SHANK2: variants seen among roughly 807,000 people sequenced by gnomAD.
The protein encoded by SHANK2 is SH3 and multiple ankyrin repeat domains 2.
SHANK2 carries 43 observed loss-of-function variants against 133.7 expected under a neutral mutation model. The ratio of observed to expected loss-of-function variants is 0.32; its 90% CI spans 0.25 to 0.41. SHANK2 has a LOEUF of 0.41. Ranked by LOEUF, SHANK2 falls within the 10% of genes least tolerant of loss-of-function variation. The probability of loss-of-function intolerance (pLI) is 1.00; values close to 1 mark genes in which losing one functional copy is unlikely to be tolerated. For synonymous variants in SHANK2, 1,017 were observed against 952.8 expected, an observed-to-expected ratio of 1.07 and a Z score of -1.24; for missense variants, 1,994 against 2,235.8, an observed-to-expected ratio of 0.89 and a Z score of 2.18.
chr11:70,938,251 G>A (rs1465459033), intron 10 of SHANK2, among the ~76,000 whole-genome samples: 1 of 152,138 alleles, frequency 6.6e-6, no homozygotes, highest in Non-Finnish European at 1.5e-5. Context: ...GTGGTGGAGG[G>A]GGGTGTCCTG....
At chr11:71,083,583 A>T (rs2136011748) in intron 8 of SHANK2, among the ~76,000 whole-genome samples, 1 of 152,236 alleles carries the variant, frequency 6.6e-6, no homozygotes, top group South Asian at 2.1e-4. Context: ...CAGCATGAGG[A>T]GAGTCCCTCA....
chr11:71,147,270 G>A lies in SHANK2; in HGVS notation c.57C>T (p.Tyr19=), dbSNP rs1555106905. 1 of 1,551,054 alleles carries A rather than the reference G, an allele frequency of 6.4e-7. No individual in the cohort carries two copies. The highest frequency in any genetic ancestry group is 8.7e-7 in the Non-Finnish European group (1 of 1,146,956). Residue 19 remains tyrosine (Y), a synonymous_variant, in exon 3 of 26, where the codon TAC becomes TAT. Transcript: ENST00000601538. ...AGCTGTCTGACTCCGACCCCACGGA[G>A]TAGTCGGAGAAGCTCTGGGCCATCT... ...EDEMAQSFSD[Y]SVGSESDSSK...
At chr11:70,687,767 C>T (rs1945187976) in intron 15 of SHANK2, among the ~76,000 whole-genome samples, 1 of 152,208 alleles carries the variant, frequency 6.6e-6, no homozygotes, top group African/African-American at 2.4e-5. Context: ...CTCTGGGGGC[C>T]CCTGCCCCAT....
At chr11:70,790,620 G>A (rs918658260) in intron 14 of SHANK2, among the ~76,000 whole-genome samples, 2 of 152,180 alleles carry the variant, frequency 1.3e-5, no homozygotes, top group African/African-American at 4.8e-5. Context: ...ACTGCCCAGA[G>A]GATTTTAGAC....
chr11:71,106,969 C>G (rs1322340927), intron 6 of SHANK2, among the ~76,000 whole-genome samples: 1 of 150,036 alleles, frequency 6.7e-6, no homozygotes, highest in Admixed American at 6.6e-5. Context: ...ACAAAGAATA[C>G]CTTGGTGTGG....
At chr11:70,899,950 C>T (rs1306920305) in intron 10 of SHANK2, among the ~76,000 whole-genome samples, 1 of 152,180 alleles carries the variant, frequency 6.6e-6, no homozygotes, top group Non-Finnish European at 1.5e-5. Flanking sequence ...TACGTGTAAC[C>T]CACAAACCTA....
At chr11:70,494,308 C>A (rs1241805667) in intron 21 of SHANK2, among the ~76,000 whole-genome samples, 1 of 152,138 alleles carries the variant, frequency 6.6e-6, no homozygotes, top group Non-Finnish European at 1.5e-5. Flanking sequence ...TCAGGGCAGT[C>A]TATACTTTTT....
chr11:71,141,567 T>C (rs1279694676), intron 3 of SHANK2, among the ~76,000 whole-genome samples: 3 of 152,254 alleles, frequency 2.0e-5, no homozygotes, highest in Admixed American at 6.5e-5. Context: ...TCCACCATAA[T>C]TGTGAGGCCT....
At chr11:70,622,517 C>T (rs1253056364) in intron 17 of SHANK2, among the ~76,000 whole-genome samples, 2 of 152,216 alleles carry the variant, frequency 1.3e-5, no homozygotes, top group Admixed American at 1.3e-4. Flanking sequence ...GGCCTCCAGT[C>T]CAAGACCAAA....
In SHANK2 at chr11:70,807,075, G is replaced by A. The variant is rs1175233475; in HGVS notation, c.1590C>T (p.Leu530=). 2.1e-5 allele frequency: 15 copies of A among 717,896 alleles called. No homozygotes were observed. The highest frequency in any genetic ancestry group is 3.9e-5 in the Non-Finnish European group (15 of 385,018). 44.5% of individuals were successfully genotyped at this position (717,896 alleles called of 1,614,324 possible). ...RKLYSAVPGR[L]FVAVKPYQPQ... is the part of the protein sequence containing the mutation. ...GTTGGTATGGCTTGACAGCGACGAA[G>A]AGCCTCCCGGGCACGGCACTGTAGA... Residue 530 remains leucine, a synonymous_variant, in exon 13 of 26, where the codon CTC becomes CTT. Coordinates refer to ENST00000601538, the MANE Select transcript of SHANK2 (RefSeq NM_012309.5). The surrounding 1 kb of genome is among the most constrained non-coding windows in gnomAD (Gnocchi z 4.8).
chr11:71,079,632 T>G (rs936820052), intron 8 of SHANK2, among the ~76,000 whole-genome samples: 23 of 145,756 alleles, frequency 1.6e-4, no homozygotes, highest in African/African-American at 5.3e-4. Context: ...TGGTGGCGGG[T>G]GCCTGTAGTC....
At chr11:70,812,330 C>T (rs182849530) in intron 12 of SHANK2, among the ~76,000 whole-genome samples, 18 of 152,316 alleles carry the variant, frequency 1.2e-4, no homozygotes, top group Non-Finnish European at 2.1e-4. Flanking sequence ...CAGTGATTAC[C>T]GGGCAGTGAC....
chr11:71,080,428 T>TA (rs1807461596), intron 8 of SHANK2, among the ~76,000 whole-genome samples: 1 of 152,194 alleles, frequency 6.6e-6, no homozygotes, highest in Non-Finnish European at 1.5e-5. Flanking sequence ...ACACTGGTGA[T>TA]ACATCTACAG....
intron 14 of SHANK2, among the ~76,000 whole-genome samples, chr11:70,726,192 A>C (rs565430836): frequency 6.6e-6 from 1 of 152,318 alleles, no homozygotes; most frequent in South Asian, 2.1e-4. Flanking sequence ...ACACAGAAGC[A>C]GCGAGTACAG....
At chr11:71,074,459 T>C (rs1228208658) in intron 9 of SHANK2, among the ~76,000 whole-genome samples, 1 of 152,094 alleles carries the variant, frequency 6.6e-6, no homozygotes, top group Non-Finnish European at 1.5e-5. Context: ...ACGTTGCCTA[T>C]TGGTTGTTGG....
chr11:71,079,154 T>C (rs931030529), intron 8 of SHANK2, among the ~76,000 whole-genome samples: 42 of 152,338 alleles, frequency 2.8e-4, no homozygotes, highest in African/African-American at 1.0e-3. Flanking sequence ...CAGCATCCTT[T>C]CTAAGGCATT....
chr11:71,084,575 C>G (rs1951352397), intron 8 of SHANK2, among the ~76,000 whole-genome samples: 1 of 152,204 alleles, frequency 6.6e-6, no homozygotes, highest in South Asian at 2.1e-4. Flanking sequence ...AACAGAGACA[C>G]AGACTTTAAA....
chr11:70,704,566 T>C (rs912359242), intron 14 of SHANK2, among the ~76,000 whole-genome samples: 20 of 152,210 alleles, frequency 1.3e-4, no homozygotes, highest in Non-Finnish European at 2.9e-4. Context: ...GGTGGCTTTT[T>C]TTCTGAGATG....
At chr11:70,808,446 C>T (rs1466800638) in intron 12 of SHANK2, among the ~76,000 whole-genome samples, 2 of 151,838 alleles carry the variant, frequency 1.3e-5, no homozygotes, top group South Asian at 2.1e-4. Context: ...AAATGATCCA[C>T]CTGCCTCGGC....
Sources: allele counts gnomAD v4.1 joint callset (sites outside exome capture counted in the v4.1 genomes callset), GRCh38; gene constraint gnomAD v4.1.1; non-coding constraint Gnocchi (gnomAD v3.1); transcripts MANE v1.5; gene names NCBI Gene and HGNC (gene_info 2026-07-23, HGNC 2026-07-21).